RHOJ: variants seen among roughly 807,000 people sequenced by gnomAD.
The protein encoded by RHOJ is ras homolog family member J, also known as rho-related GTP-binding protein RhoJ.
In RHOJ, 11 loss-of-function variants were observed where a neutral mutation model predicts 23.4. The ratio of observed to expected loss-of-function variants is 0.47; its 90% CI spans 0.30 to 0.78. The LOEUF is 0.78. Ranked by LOEUF, RHOJ falls within the 30% of genes least tolerant of loss-of-function variation. RHOJ has a pLI of 0.08. For missense variants in RHOJ, 254 were observed against 273.4 expected, an observed-to-expected ratio of 0.93 and a Z score of 0.50; for synonymous variants, 102 against 102.7, an observed-to-expected ratio of 0.99 and a Z score of 0.04.
At chr14:63,245,294 T>TAA (rs879627512) in intron 1 of RHOJ, among the ~76,000 whole-genome samples, 2 of 147,014 alleles carry the variant, frequency 1.4e-5, no homozygotes, top group Non-Finnish European at 3.0e-5. Context: ...CTTGCTTCAT[T>TAA]AAAAAAAAAA....
intron 1 of RHOJ, among the ~76,000 whole-genome samples, chr14:63,225,163 G>A (rs1231287062): frequency 6.6e-6 from 1 of 152,078 alleles, no homozygotes; most frequent in Non-Finnish European, 1.5e-5. Flanking sequence ...CTGTTAGCCA[G>A]GATGGTCTCA....
At chr14:63,281,259 G>A (rs936958614) in intron 3 of RHOJ, 124 bp downstream of exon 3, 12 of 908,970 alleles carry the variant, frequency 1.3e-5, no homozygotes, top group African/African-American at 1.2e-4. Flanking sequence ...TCAATCCTAT[G>A]AACAGAAGTT....
chr14:63,229,349 A>G (rs1338402300), intron 1 of RHOJ, among the ~76,000 whole-genome samples: 1 of 152,228 alleles, frequency 6.6e-6, no homozygotes, highest in Non-Finnish European at 1.5e-5. Context: ...ATGCTCATTT[A>G]TTAGCTCACA....
At chr14:63,219,745 G>A (rs988053592) in intron 1 of RHOJ, among the ~76,000 whole-genome samples, 2 of 151,582 alleles carry the variant, frequency 1.3e-5, no homozygotes, top group African/African-American at 4.9e-5. Context: ...GAACCCAGGA[G>A]GCGGAGGTTG....
intron 1 of RHOJ, among the ~76,000 whole-genome samples, chr14:63,208,045 A>G (rs1894152345): frequency 6.6e-6 from 1 of 152,170 alleles, no homozygotes; most frequent in African/African-American, 2.4e-5. Flanking sequence ...GAGTGTATGT[A>G]TTTTCTTCAT....
intron 1 of RHOJ, among the ~76,000 whole-genome samples, chr14:63,206,083 G>T (rs747943802): frequency 6.6e-6 from 1 of 152,160 alleles, no homozygotes; most frequent in Non-Finnish European, 1.5e-5. Context: ...ACCAGCATGA[G>T]TGTCTGCTTG....
intron 1 of RHOJ, among the ~76,000 whole-genome samples, chr14:63,258,522 T>G (rs1403464359): frequency 3.3e-5 from 5 of 152,060 alleles, no homozygotes; most frequent in Non-Finnish European, 7.4e-5. Context: ...TTATAAAAGT[T>G]TATCATCATT....
chr14:63,268,956 T>G (rs1212966267), intron 1 of RHOJ, among the ~76,000 whole-genome samples, 154 bp from the exon 2 acceptor site: 1 of 152,162 alleles, frequency 6.6e-6, no homozygotes, highest in Non-Finnish European at 1.5e-5. Context: ...CATTTGGAAA[T>G]TATGCTGTCA....
chr14:63,242,369 G>C (rs991168319), intron 1 of RHOJ, among the ~76,000 whole-genome samples: 3 of 152,086 alleles, frequency 2.0e-5, no homozygotes, highest in Admixed American at 1.3e-4. Flanking sequence ...AGAACACCCT[G>C]GGCACCATGT....
chr14:63,217,144 A>T (rs1215192577), intron 1 of RHOJ, among the ~76,000 whole-genome samples: 1 of 149,868 alleles, frequency 6.7e-6, no homozygotes, highest in East Asian at 2.0e-4. Flanking sequence ...TGTGCAGGTT[A>T]GTTACATACG....
At chr14:63,280,650 C>T (rs994816987) in intron 2 of RHOJ, among the ~76,000 whole-genome samples, 1 of 151,660 alleles carries the variant, frequency 6.6e-6, no homozygotes, top group African/African-American at 2.4e-5. Flanking sequence ...TAAATGTATA[C>T]AATTTAAAAA....
At chr14:63,249,794 A>G (rs967857085) in intron 1 of RHOJ, among the ~76,000 whole-genome samples, 1 of 152,130 alleles carries the variant, frequency 6.6e-6, no homozygotes, top group Non-Finnish European at 1.5e-5. Flanking sequence ...CTAGGTCTCA[A>G]CCCCAAAACA....
chr14:63,261,026 C>T (rs1895262704), intron 1 of RHOJ, among the ~76,000 whole-genome samples: 1 of 152,198 alleles, frequency 6.6e-6, no homozygotes, highest in East Asian at 1.9e-4. Context: ...AAATGGCTTT[C>T]CAAAAAAATG....
At chr14:63,223,678 G>C (rs75826973) in intron 1 of RHOJ, among the ~76,000 whole-genome samples, 119 of 152,202 alleles carry the variant, frequency 7.8e-4, no homozygotes, top group African/African-American at 2.7e-3. Flanking sequence ...GAGATACAAA[G>C]AGTTCATCTC....
At position 63,283,183 on chromosome 14, in the gene RHOJ, CACTT is replaced by C. The variant is rs751453983; in HGVS notation, c.468_471del (p.Tyr157SerfsTer4). The C allele has an allele frequency of 1.9e-6, 3 of 1,614,084 alleles. No individual in the cohort carries two copies. The highest frequency in any genetic ancestry group is 2.2e-5 in the East Asian group (1 of 44,888). ...TGCTGTATATGAAAGAGAAACCTCT[CACTT>C]ACGAGCATGGTGTGAAGCTCGCAAA... On this transcript the variant is annotated frameshift_variant, in exon 4 of 5. Transcript: ENST00000316754. LOFTEE classifies it high-confidence loss of function.
chr14:63,246,917 G>A (rs1566617417), intron 1 of RHOJ, among the ~76,000 whole-genome samples: 1 of 152,126 alleles, frequency 6.6e-6, no homozygotes, highest in African/African-American at 2.4e-5. Context: ...ATGAGAGGGG[G>A]CTTCAGAGTC....
At chr14:63,290,651 T>G (rs1202429830) in intron 4 of RHOJ, among the ~76,000 whole-genome samples, 2 of 146,696 alleles carry the variant, frequency 1.4e-5, no homozygotes, top group East Asian at 3.9e-4. Flanking sequence ...CAACCATTTA[T>G]TGCAAATAAA....
chr14:63,283,811 G>A (rs1201533502), intron 4 of RHOJ, among the ~76,000 whole-genome samples: 1 of 152,146 alleles, frequency 6.6e-6, no homozygotes, highest in Non-Finnish European at 1.5e-5. Flanking sequence ...CTGTTTTCAT[G>A]GACCTTTCTT....
At chr14:63,243,100 T>C (rs980592300) in intron 1 of RHOJ, among the ~76,000 whole-genome samples, 1 of 152,154 alleles carries the variant, frequency 6.6e-6, no homozygotes, top group Non-Finnish European at 1.5e-5. Context: ...AAAAAACAAA[T>C]TGAAGAAAAT....
Sources: allele counts gnomAD v4.1 joint callset (sites outside exome capture counted in the v4.1 genomes callset), GRCh38; gene constraint gnomAD v4.1.1; transcripts MANE v1.5; gene names NCBI Gene and HGNC (gene_info 2026-07-23, HGNC 2026-07-21).